Variants in LRRTM4 observed in about 807,000 individuals in gnomAD.
LRRTM4 encodes leucine rich repeat transmembrane neuronal 4, also known as leucine-rich repeat transmembrane neuronal protein 4.
LRRTM4 carries 25 observed loss-of-function variants against 47.6 expected under a neutral mutation model. That is an observed-to-expected ratio of 0.53 (90% CI 0.38 to 0.73). The LOEUF (loss-of-function observed/expected upper bound fraction) is 0.73. Ranked by LOEUF, LRRTM4 falls within the 30% of genes least tolerant of loss-of-function variation. The pLI is 0.00. For missense variants in LRRTM4, 638 were observed against 713.4 expected, an observed-to-expected ratio of 0.89 and a Z score of 1.20; for synonymous variants, 311 against 269.5, an observed-to-expected ratio of 1.15 and a Z score of -1.51.
chr2:77,306,742 ATC>A lies in LRRTM4; in HGVS notation c.1551+211574_1551+211575del, dbSNP rs1232451766. Among the ~76,000 whole-genome samples, 4 of 146,192 alleles carry A rather than the reference ATC, an allele frequency of 2.7e-5. No homozygotes were observed. The East Asian group carries it at 7.7e-4, about 28-fold the overall frequency. ...AAATATGCTGTTTTTCCTCCTCTCA[ATC>A]AGTTTATAAAGTAATGAAATAGAGG... On this transcript the variant is annotated intron_variant, in intron 3 of 3. Coordinates refer to ENST00000409884, the MANE Select transcript of LRRTM4 (RefSeq NM_001134745.3).
At chr2:77,226,334 G>T (rs1674806986) in intron 3 of LRRTM4, among the ~76,000 whole-genome samples, 1 of 151,584 alleles carries the variant, frequency 6.6e-6, no homozygotes, top group Admixed American at 6.6e-5. Flanking sequence ...AAAATTAGGA[G>T]TGGTCAGAAA....
At chr2:77,502,359 A>G (rs892169432) in intron 3 of LRRTM4, among the ~76,000 whole-genome samples, 1 of 151,470 alleles carries the variant, frequency 6.6e-6, no homozygotes, top group South Asian at 2.1e-4. Flanking sequence ...CATATTAATG[A>G]ACAAAAGTAT....
intron 3 of LRRTM4, among the ~76,000 whole-genome samples, chr2:77,220,973 C>A (rs951767313): frequency 1.3e-5 from 2 of 152,154 alleles, no homozygotes; most frequent in Admixed American, 6.5e-5. Flanking sequence ...AGCTTACCCA[C>A]AAAGGGAAGC....
In LRRTM4 at chr2:77,106,304, C is replaced by T. The variant is rs371065172; in HGVS notation, c.1552-357388G>A. ...TAGTAACATATAACCTTCTGGAGAG[C>T]AGAGATTAGTGTGTCCTGTTTATGT... On this transcript the variant is annotated intron_variant, in intron 3 of 3. Transcript: ENST00000409884. Among the ~76,000 whole-genome samples the T allele has an allele frequency of 3.3e-5, 5 of 152,130 alleles. No homozygotes were observed. The South Asian group carries it at 1.0e-3, about 31-fold the overall frequency.
At chr2:77,044,400 C>T (rs1358296517) in intron 3 of LRRTM4, among the ~76,000 whole-genome samples, 1 of 151,688 alleles carries the variant, frequency 6.6e-6, no homozygotes, top group Non-Finnish European at 1.5e-5. Flanking sequence ...TCTATGGAAG[C>T]TCAAAAATGC....
chr2:76,795,819 T>G (rs930291489), intron 3 of LRRTM4, among the ~76,000 whole-genome samples: 2 of 151,716 alleles, frequency 1.3e-5, no homozygotes, highest in Non-Finnish European at 2.9e-5. Context: ...GGAGCCAAGA[T>G]GGCCAAATAG....
At chr2:77,211,253 G>A (rs1674284556) in intron 3 of LRRTM4, among the ~76,000 whole-genome samples, 1 of 152,196 alleles carries the variant, frequency 6.6e-6, no homozygotes, top group Non-Finnish European at 1.5e-5. Context: ...GGCCATCCTG[G>A]AGGAGCTGGA....
chr2:76,927,773 A>C (rs1674634231), intron 3 of LRRTM4, among the ~76,000 whole-genome samples: 1 of 152,152 alleles, frequency 6.6e-6, no homozygotes, highest in African/African-American at 2.4e-5. Context: ...TCCATTTAAA[A>C]GTACTGATCT....
At chr2:77,013,067 C>T (rs992386998) in intron 3 of LRRTM4, among the ~76,000 whole-genome samples, 1 of 152,126 alleles carries the variant, frequency 6.6e-6, no homozygotes. Context: ...AATGGATAAC[C>T]TTCTCTCCAC....
intron 3 of LRRTM4, among the ~76,000 whole-genome samples, chr2:77,190,558 C>A (rs1446292584): frequency 6.6e-6 from 1 of 152,002 alleles, no homozygotes; most frequent in Non-Finnish European, 1.5e-5. Flanking sequence ...CCTCGGCTTC[C>A]CAAAGTGCTT....
At chr2:77,054,525 T>A (rs1679540656) in intron 3 of LRRTM4, among the ~76,000 whole-genome samples, 1 of 152,174 alleles carries the variant, frequency 6.6e-6, no homozygotes, top group African/African-American at 2.4e-5. Flanking sequence ...GTAACGGAAA[T>A]ACTGTGCAGG....
intron 3 of LRRTM4, among the ~76,000 whole-genome samples, chr2:77,148,515 C>T (rs1266658156): frequency 7.9e-5 from 12 of 152,230 alleles, no homozygotes; most frequent in African/African-American, 2.6e-4. Flanking sequence ...TTATATATGA[C>T]ACTTTGTTGC....
intron 3 of LRRTM4, among the ~76,000 whole-genome samples, chr2:76,924,245 A>C (rs1674520511): frequency 6.6e-6 from 1 of 152,130 alleles, no homozygotes; most frequent in Non-Finnish European, 1.5e-5. Flanking sequence ...TAGGTCTCAT[A>C]ATCATGAGAC....
intron 3 of LRRTM4, among the ~76,000 whole-genome samples, chr2:77,236,181 A>G (rs1675099055): frequency 6.6e-6 from 1 of 151,990 alleles, no homozygotes; most frequent in South Asian, 2.1e-4. Flanking sequence ...TGTTTGTGTC[A>G]TCTACAATAC....
At chr2:77,461,388 A>G (rs1676783872) in intron 3 of LRRTM4, among the ~76,000 whole-genome samples, 1 of 152,078 alleles carries the variant, frequency 6.6e-6, no homozygotes, top group African/African-American at 2.4e-5. Context: ...GGCTTTGCTC[A>G]TTTGAGTGCT....
At position 77,519,125 on chromosome 2, in the gene LRRTM4, C is replaced by G. The variant is rs1489330910; in HGVS notation, c.744G>C (p.Leu248Phe). The G allele has an allele frequency of 6.2e-7, 1 of 1,613,048 alleles. No individual in the cohort carries two copies. Residue 248 changes from leucine (L) to phenylalanine (F), a missense_variant, in exon 3 of 4, where the codon TTG (leucine) becomes TTC (phenylalanine). Coordinates refer to ENST00000409884, the MANE Select transcript of LRRTM4 (RefSeq NM_001134745.3). The surrounding 1 kb of genome is among the most constrained non-coding windows in gnomAD (Gnocchi z 4.6). ...WNRIRSISQG[L>F]TWTWSSLHNL... Reference sequence around the variant, plus strand: ...TGTGTAAGGAACTCCAAGTCCATGTCAAACCTTGGCTAATGGAGCGAATCC... The same window carrying G: ...TGTGTAAGGAACTCCAAGTCCATGTGAAACCTTGGCTAATGGAGCGAATCC...
chr2:76,945,901 G>A (rs1021167211), intron 3 of LRRTM4, among the ~76,000 whole-genome samples: 6 of 151,938 alleles, frequency 3.9e-5, no homozygotes, highest in African/African-American at 1.2e-4. Context: ...TTGAGAAATT[G>A]TAGAAATCTG....
intron 3 of LRRTM4, among the ~76,000 whole-genome samples, chr2:77,158,072 G>C (rs1263912773): frequency 6.6e-6 from 1 of 152,138 alleles, no homozygotes; most frequent in East Asian, 1.9e-4. Context: ...AAGAAACACA[G>C]GGGAAATATT....
At chr2:77,047,019 T>C (rs1183784489) in intron 3 of LRRTM4, among the ~76,000 whole-genome samples, 2 of 152,076 alleles carry the variant, frequency 1.3e-5, no homozygotes, top group Admixed American at 1.3e-4. Flanking sequence ...TACATTCTGC[T>C]ATAATTTGGT....
Sources: gnomAD v4.1 joint callset for allele counts (sites outside exome capture counted in the v4.1 genomes callset) on GRCh38, gnomAD v4.1.1 for gene constraint, Gnocchi (gnomAD v3.1) non-coding constraint, MANE v1.5 for transcripts, NCBI Gene and HGNC (gene_info 2026-07-23, HGNC 2026-07-21) for gene names.